XPO4: variants seen among roughly 807,000 people sequenced by gnomAD.
XPO4 encodes exportin-4.
In XPO4, 39 loss-of-function variants were observed where a neutral mutation model predicts 143.0. The ratio of observed to expected loss-of-function variants is 0.27; its 90% confidence interval spans 0.21 to 0.36. The LOEUF (loss-of-function observed/expected upper bound fraction) is 0.36, where lower values mean the gene tolerates loss of function less well. Ranked by LOEUF, XPO4 falls within the 10% of genes least tolerant of loss-of-function variation. XPO4 has a pLI of 1.00. For missense variants in XPO4, 907 were observed against 1,348.0 expected, an observed-to-expected ratio of 0.67 and a Z score of 5.12; for synonymous variants, 439 against 474.0, an observed-to-expected ratio of 0.93 and a Z score of 0.96.
At chr13:20,869,670 ATTCACCCAGG>A in intron 1 of XPO4, 1 of 741,810 alleles carries the variant, frequency 1.3e-6, no homozygotes, top group Non-Finnish European at 1.6e-6. Context: ...AAAAAAAGTT[ATTCACCCAGG>A]AAAAATTAAC....
chr13:20,862,369 TTAAA>T (rs1404847802), intron 3 of XPO4, among the ~76,000 whole-genome samples: 1 of 152,194 alleles, frequency 6.6e-6, no homozygotes, highest in Non-Finnish European at 1.5e-5. Context: ...TACCAAAAGC[TTAAA>T]TAAAAGGTAT....
rs182520731 is a variant in XPO4 at position 20,781,988 on chromosome 13, C to A, written c.*1734G>T. On this transcript the variant is annotated 3_prime_UTR_variant, in exon 23 of 23. Coordinates refer to ENST00000255305, the MANE Select transcript of XPO4 (RefSeq NM_022459.5). ...TGATATTAATTTCCTTCCTAGCAGT[C>A]TTTTCAAGATGTTTTTGCTTCCCCT... 52 of 152,280 alleles carry A rather than the reference C, an allele frequency of 3.4e-4. No homozygotes were observed. In the East Asian group the frequency reaches 0.01, roughly 29 times the overall value. 9.4% of individuals were successfully genotyped at this position (152,280 alleles called of 1,614,324 possible).
chr13:20,828,644 C>G (rs2059816472), intron 6 of XPO4, among the ~76,000 whole-genome samples: 1 of 152,088 alleles, frequency 6.6e-6, no homozygotes, highest in Non-Finnish European at 1.5e-5. Flanking sequence ...CAACTCTATT[C>G]GACTGATTAA....
chr13:20,811,039 A>T (rs2059575383), intron 9 of XPO4, among the ~76,000 whole-genome samples: 1 of 152,158 alleles, frequency 6.6e-6, no homozygotes. Context: ...CATTTGGCTA[A>T]AAGGTCACTC....
chr13:20,784,095 C>A (rs550565478), intron 22 of XPO4, among the ~76,000 whole-genome samples, 176 bp from the exon 23 acceptor site: 250 of 152,264 alleles, frequency 1.6e-3, no homozygotes, highest in African/African-American at 5.8e-3. Context: ...TGGATTAATT[C>A]ATCTATCATT....
intron 1 of XPO4, among the ~76,000 whole-genome samples, chr13:20,877,547 T>TA (rs1017095919): frequency 1.3e-5 from 2 of 152,170 alleles, no homozygotes; most frequent in African/African-American, 4.8e-5. Flanking sequence ...AGATATCCTC[T>TA]AAGAATAGTA....
chr13:20,881,346 G>A (rs939455858), intron 1 of XPO4, among the ~76,000 whole-genome samples: 10 of 151,940 alleles, frequency 6.6e-5, no homozygotes, highest in African/African-American at 1.9e-4. Flanking sequence ...TCGGCTCACT[G>A]CAAGCGCCAC....
intron 20 of XPO4, 81 bp downstream of exon 20, chr13:20,788,405 T>C (rs2059235420): frequency 8.5e-6 from 13 of 1,534,920 alleles, no homozygotes; most frequent in Admixed American, 2.2e-5. Flanking sequence ...AAATGAAAAA[T>C]GTAAACTTAA....
At chr13:20,791,405 C>A (rs2141491847) in intron 18 of XPO4, among the ~76,000 whole-genome samples, 1 of 152,240 alleles carries the variant, frequency 6.6e-6, no homozygotes, top group East Asian at 1.9e-4. Flanking sequence ...ATTCAGACAG[C>A]CTTGTCCACA....
chr13:20,840,269 A>G (rs897544768), intron 6 of XPO4, among the ~76,000 whole-genome samples: 3 of 151,960 alleles, frequency 2.0e-5, no homozygotes, highest in Non-Finnish European at 2.9e-5. Flanking sequence ...GTGCAGTGGC[A>G]TGATCATGGC....
chr13:20,811,141 G>C (rs1446030553), intron 9 of XPO4, among the ~76,000 whole-genome samples: 4 of 152,050 alleles, frequency 2.6e-5, no homozygotes, highest in African/African-American at 9.7e-5. Context: ...GAGAGTGATG[G>C]GTCCTGACAT....
chr13:20,847,815 T>A (rs1390088283), intron 4 of XPO4, among the ~76,000 whole-genome samples: 1 of 152,206 alleles, frequency 6.6e-6, no homozygotes, highest in Non-Finnish European at 1.5e-5. Flanking sequence ...TTGCCCAGTA[T>A]AAAATACAAA....
intron 1 of XPO4, among the ~76,000 whole-genome samples, chr13:20,901,667 C>G (rs1372257073): frequency 6.6e-6 from 1 of 152,102 alleles, no homozygotes; most frequent in Non-Finnish European, 1.5e-5. Flanking sequence ...CTACAAACTA[C>G]GCTAGAATTA....
At chr13:20,836,069 A>G (rs528696265) in intron 6 of XPO4, among the ~76,000 whole-genome samples, 113 of 152,338 alleles carry the variant, frequency 7.4e-4, no homozygotes, top group African/African-American at 2.7e-3. Flanking sequence ...CTTCCAGGCA[A>G]CAGTAAGCTA....
chr13:20,811,653 G>C (rs1334600957), intron 9 of XPO4, among the ~76,000 whole-genome samples: 2 of 152,144 alleles, frequency 1.3e-5, no homozygotes, highest in African/African-American at 2.4e-5. Flanking sequence ...CCATGGACCA[G>C]GGGAGAGATG....
chr13:20,874,429 T>G (rs1261908037), intron 1 of XPO4, among the ~76,000 whole-genome samples: 1 of 152,210 alleles, frequency 6.6e-6, no homozygotes, highest in Non-Finnish European at 1.5e-5. Context: ...ATGTTAAAAT[T>G]TAATTGCCAT....
At position 20,799,149 on chromosome 13, in the gene XPO4, T is replaced by C. The variant is rs771378254; in HGVS notation, c.2322+16A>G. 1 of 1,551,916 alleles carries C rather than the reference T, an allele frequency of 6.4e-7. No homozygotes were observed. The highest frequency in any genetic ancestry group is 8.8e-7 in the Non-Finnish European group (1 of 1,141,908). On this transcript the variant is annotated intron_variant, in intron 16 of 22. Transcript: ENST00000255305. Reference sequence around the variant, plus strand: ...GTTACACAAAAGGGTGCAATCAAAATAGACAGCACTGTTACCTCTGTCCAA... The same window carrying C: ...GTTACACAAAAGGGTGCAATCAAAACAGACAGCACTGTTACCTCTGTCCAA...
At chr13:20,898,093 T>C (rs1407682096) in intron 1 of XPO4, among the ~76,000 whole-genome samples, 1 of 152,164 alleles carries the variant, frequency 6.6e-6, no homozygotes, top group Admixed American at 6.5e-5. Context: ...TCTCATCCTA[T>C]TTACTTCACA....
chr13:20,784,542 T>G (rs954540700), intron 22 of XPO4, among the ~76,000 whole-genome samples: 1 of 152,160 alleles, frequency 6.6e-6, no homozygotes, highest in Non-Finnish European at 1.5e-5. Flanking sequence ...TATAGGAATA[T>G]GGGAAATTTT....
Sources: gnomAD v4.1 joint callset for allele counts (sites outside exome capture counted in the v4.1 genomes callset) on GRCh38, gnomAD v4.1.1 for gene constraint, MANE v1.5 for transcripts, NCBI Gene and HGNC (gene_info 2026-07-23, HGNC 2026-07-21) for gene names.